DHX8: variants seen among roughly 807,000 people sequenced by gnomAD.
The protein encoded by DHX8 is ATP-dependent RNA helicase DHX8.
Under a neutral mutation model 140.7 loss-of-function variants are expected in DHX8, and 67 were observed. That is an observed-to-expected ratio of 0.48 (90% CI 0.39 to 0.58). The LOEUF is 0.58. Ranked by LOEUF, DHX8 falls within the 20% of genes least tolerant of loss-of-function variation. DHX8 has a pLI of 0.00. For synonymous variants in DHX8, 533 were observed against 553.2 expected (o/e 0.96, Z 0.51); for missense variants, 887 against 1,550.7 (o/e 0.57, Z 7.19).
At chr17:43,516,669 G>C (rs1343781300) in intron 17 of DHX8, among the ~76,000 whole-genome samples, 1 of 152,024 alleles carries the variant, frequency 6.6e-6, no homozygotes, top group African/African-American at 2.4e-5. Context: ...GGCTGATCTC[G>C]AACTCCTGGG....
downstream of DHX8, chr17:43,525,926 G>A: frequency 4.1e-6 from 4 of 985,402 alleles, no homozygotes; most frequent in Non-Finnish European, 4.8e-6. Context: ...TGTTGAATGG[G>A]CTAAGGATAA....
At chr17:43,512,538 G>A (rs928151578) in intron 16 of DHX8, among the ~76,000 whole-genome samples, 1 of 152,172 alleles carries the variant, frequency 6.6e-6, no homozygotes, top group Non-Finnish European at 1.5e-5. Flanking sequence ...ATGGAAGATG[G>A]CACTGAGGAG....
downstream of DHX8, chr17:43,529,500 C>T: frequency 1.2e-6 from 2 of 1,603,572 alleles, no homozygotes; most frequent in Non-Finnish European, 1.7e-6. Context: ...TCCGAGAGGC[C>T]CACCTCCTCA....
chr17:43,523,694 T>G lies in DHX8; in HGVS notation c.3510T>G (p.Pro1170=). The change falls in exon 23 of 23, where the codon CCT becomes CCG. Residue 1170 remains proline, a synonymous_variant. Coordinates refer to ENST00000262415, the MANE Select transcript of DHX8 (RefSeq NM_004941.3). The stretch of plus-strand genomic sequence containing the variant: ...TGCGTGAAGTTACCACCATCGACCC[T>G]CGGTGGCTTGTGGAGTTTGCCCCAG... ...EYMREVTTID[P]RWLVEFAPAF... The G allele has an allele frequency of 6.2e-7, 1 of 1,614,170 alleles. No individual in the cohort carries two copies. The highest frequency in any genetic ancestry group is 8.5e-7 in the Non-Finnish European group (1 of 1,180,024).
chr17:43,501,731 C>G (rs998642157), intron 11 of DHX8, among the ~76,000 whole-genome samples: 11 of 152,182 alleles, frequency 7.2e-5, no homozygotes, highest in Admixed American at 7.2e-4. Context: ...GTGATCCCCC[C>G]CCCATCTCAG....
chr17:43,510,212 C>G (rs2154586687), intron 16 of DHX8, among the ~76,000 whole-genome samples: 1 of 151,858 alleles, frequency 6.6e-6, no homozygotes, highest in Non-Finnish European at 1.5e-5. Context: ...CCACACCCGG[C>G]TAATTTTGTA....
downstream of DHX8, chr17:43,529,539 G>A (rs776142667): frequency 3.7e-6 from 6 of 1,613,850 alleles, no homozygotes; most frequent in South Asian, 3.3e-5. Context: ...TCCATTCCCC[G>A]GCCCGTCCAG....
chr17:43,508,635 T>G, intron 16 of DHX8, 115 bp downstream of exon 16: 1 of 626,956 alleles, frequency 1.6e-6, no homozygotes, highest in Non-Finnish European at 2.6e-6. Context: ...TTTTTTTTTT[T>G]CCTCGAGGCA....
downstream of DHX8, among the ~76,000 whole-genome samples, chr17:43,527,168 C>T (rs1970642505): frequency 6.6e-6 from 1 of 152,122 alleles, no homozygotes; most frequent in Non-Finnish European, 1.5e-5. Flanking sequence ...CTACCTACCC[C>T]CAAAAAACTC....
At position 43,492,327 on chromosome 17, in the gene DHX8, G is replaced by T. The variant is rs767545491; in HGVS notation, c.503+35G>T. On this transcript the variant is annotated intron_variant, in intron 5 of 22. Coordinates refer to ENST00000262415, the MANE Select transcript of DHX8 (RefSeq NM_004941.3). ...TAGTGTCCTGTCCTTTGGAAGTTTA[G>T]GGTACTGTGACAGTTGAATATTATG... is the stretch of plus-strand genomic sequence containing the variant. The T allele has an allele frequency of 4.5e-6, 7 of 1,565,608 alleles. No individual in the cohort carries two copies. The Admixed American group carries it at 1.2e-4, about 27-fold the overall frequency.
intron 16 of DHX8, among the ~76,000 whole-genome samples, chr17:43,510,727 A>G (rs1265770227): frequency 1.3e-5 from 2 of 152,190 alleles, no homozygotes; most frequent in East Asian, 3.8e-4. Context: ...TTATATTTAG[A>G]ACAATTTTAT....
intron 11 of DHX8, among the ~76,000 whole-genome samples, chr17:43,503,723 G>T (rs755083626): frequency 6.6e-6 from 1 of 152,014 alleles, no homozygotes; most frequent in African/African-American, 2.4e-5. Flanking sequence ...CATATTGTAT[G>T]AAGTATCCAG....
intron 17 of DHX8, 96 bp downstream of exon 17, chr17:43,513,598 A>G: frequency 7.7e-7 from 1 of 1,296,882 alleles, no homozygotes; most frequent in Non-Finnish European, 1.1e-6. Flanking sequence ...GTTTTCAAAG[A>G]TGAACTTTTA....
chr17:43,499,041 G>GT, intron 10 of DHX8, 82 bp downstream of exon 10: 2 of 1,038,612 alleles, frequency 1.9e-6, no homozygotes, highest in Non-Finnish European at 2.8e-6. Context: ...TTAGATCTGC[G>GT]TAAGTAGAAC....
Position 43,504,752 on chromosome 17 carries a change from A to G in DHX8, c.1655A>G (p.Lys552Arg). The G allele has an allele frequency of 6.2e-7, 1 of 1,614,216 alleles. No homozygotes were observed. The highest frequency in any genetic ancestry group is 2.2e-5 in the East Asian group (1 of 44,872). The change falls in exon 12 of 23, where the codon AAA (lysine) becomes AGA (arginine). Residue 552 changes from lysine (K) to arginine (R), a missense_variant. Physicochemically the swap from Lys to Arg is conservative, Grantham distance 26. Coordinates refer to ENST00000262415, the MANE Select transcript of DHX8 (RefSeq NM_004941.3). Reference sequence around the variant, plus strand: ...GGGGGCAACAAAGCCTCTTACGGAAAAAAGACCCAGATGTCAATCCTTGAG... The same window carrying G: ...GGGGGCAACAAAGCCTCTTACGGAAGAAAGACCCAGATGTCAATCCTTGAG... ...AFGGNKASYG[K>R]KTQMSILEQR...
At chr17:43,540,000 T>G (rs1352239628) in intron 3 of DHX8, among the ~76,000 whole-genome samples, 3 of 152,198 alleles carry the variant, frequency 2.0e-5, no homozygotes, top group African/African-American at 7.2e-5. Flanking sequence ...AATAATACTT[T>G]GGTCTGAAGT....
intron 13 of DHX8, 110 bp from the exon 14 acceptor site, chr17:43,507,393 T>C: frequency 8.5e-7 from 1 of 1,170,094 alleles, no homozygotes; most frequent in Non-Finnish European, 1.2e-6. Context: ...CTGTACATCT[T>C]GATCAGATTC....
rs10672223 is a variant in DHX8 at position 43,520,964 on chromosome 17, C to CTTTTTTT, written c.3066+103_3066+109dup. On this transcript the variant is annotated intron_variant, in intron 20 of 22. Coordinates refer to ENST00000262415, the MANE Select transcript of DHX8 (RefSeq NM_004941.3). ...TTGCCATTCCAATGCTTGATGTGGA[C>CTTTTTTT]TTTTTTTTTTTTTTTTTTTTTTTTG... 39 of 399,628 alleles carry CTTTTTTT rather than the reference C, an allele frequency of 9.8e-5. 2 individuals carry two copies. Among genetic ancestry groups the CTTTTTTT allele is most frequent in the African/African-American group, 7.0e-4 (16 of 22,900 alleles). 24.8% of individuals were successfully genotyped at this position (399,628 alleles called of 1,614,324 possible).
downstream of DHX8, among the ~76,000 whole-genome samples, chr17:43,531,474 A>G (rs574351805): frequency 1.1e-4 from 16 of 152,256 alleles, no homozygotes; most frequent in African/African-American, 3.9e-4. Context: ...GGAGGCTCAA[A>G]TATGTAAGCC....
Sources: allele counts gnomAD v4.1 joint callset (sites outside exome capture counted in the v4.1 genomes callset), GRCh38; gene constraint gnomAD v4.1.1; transcripts MANE v1.5; gene names NCBI Gene and HGNC (gene_info 2026-07-23, HGNC 2026-07-21).